The following PTPN22 variants were observed in gnomAD, a reference collection of about 807,000 sequenced individuals.
PTPN22 encodes protein tyrosine phosphatase non-receptor type 22.
PTPN22 carries 85 observed loss-of-function variants against 103.3 expected under a neutral mutation model. That is an observed-to-expected ratio of 0.82 (90% CI 0.69 to 0.99). The LOEUF (loss-of-function observed/expected upper bound fraction) is 0.99. Ranked by LOEUF, PTPN22 falls within the 50% of genes least tolerant of loss-of-function variation. The pLI, the probability that PTPN22 is intolerant of heterozygous loss-of-function variation, is 0.00. For missense variants in PTPN22, 865 were observed against 936.9 expected (o/e 0.92, Z 1.00); for synonymous variants, 323 against 310.2 (o/e 1.04, Z -0.43).
At chr1:113,857,756 C>G (rs773423198) in exon 5 of PTPN22, 2 of 1,611,376 alleles carry the variant, frequency 1.2e-6, no homozygotes, top group African/African-American at 1.3e-5. Context: ...TTTCATACTC[C>G]ATGCATGCCA....
At chr1:113,834,887 T>C (rs370692897) in intron 14 of PTPN22, 23 bp downstream of exon 14, 72 of 1,506,910 alleles carry the variant, frequency 4.8e-5, no homozygotes, top group Non-Finnish European at 6.2e-5. Context: ...CACTTTATTT[T>C]ATACTTACTG....
At chr1:113,813,852 A>G (rs977923642) in exon 21 of PTPN22, 2 of 152,330 alleles carry the variant, frequency 1.3e-5, no homozygotes, top group Non-Finnish European at 2.9e-5. Context: ...TCTGTTGGAT[A>G]CATTGTACTA....
intron 10 of PTPN22, among the ~76,000 whole-genome samples, chr1:113,849,119 T>C (rs1018380412): frequency 2.6e-5 from 4 of 152,262 alleles, no homozygotes; most frequent in Admixed American, 6.5e-5. Flanking sequence ...AAGCTATTTA[T>C]ACCTATTTAC....
intron 19 of PTPN22, among the ~76,000 whole-genome samples, chr1:113,824,106 CTTT>C (rs57935879): frequency 6.8e-6 from 1 of 146,748 alleles, no homozygotes. Context: ...CACCATGGTT[CTTT>C]TTTTTTTTTT....
intron 8 of PTPN22, 46 bp from the exon 9 acceptor site, chr1:113,854,583 A>G: frequency 6.5e-7 from 1 of 1,540,588 alleles, no homozygotes; most frequent in Non-Finnish European, 9.0e-7. Flanking sequence ...ATACCTAGAG[A>G]GAATGGACCA....
chr1:113,825,056 T>C, intron 19 of PTPN22, 86 bp downstream of exon 19: 1 of 999,976 alleles, frequency 1.0e-6, no homozygotes, highest in Non-Finnish European at 1.5e-6. Flanking sequence ...ATAATATTGT[T>C]AATCTTTTCA....
chr1:113,861,777 A>G (rs991182446), intron 1 of PTPN22, among the ~76,000 whole-genome samples: 4 of 152,190 alleles, frequency 2.6e-5, no homozygotes, highest in African/African-American at 9.6e-5. Flanking sequence ...AGAAAAAGTA[A>G]TAAACTACAC....
intron 11 of PTPN22, among the ~76,000 whole-genome samples, chr1:113,841,857 C>T (rs1233667276): frequency 6.6e-6 from 1 of 152,122 alleles, no homozygotes; most frequent in Non-Finnish European, 1.5e-5. Context: ...CCCGCCTCGG[C>T]CTCCCAAAGT....
exon 13 of PTPN22, chr1:113,837,782 A>G (rs142902754): frequency 1.2e-6 from 2 of 1,613,976 alleles, no homozygotes; most frequent in African/African-American, 2.7e-5. Flanking sequence ...CTTGGAGGCC[A>G]TGATGAAAAA....
At chr1:113,851,101 T>C (rs974446244) in intron 10 of PTPN22, among the ~76,000 whole-genome samples, 6 of 151,916 alleles carry the variant, frequency 3.9e-5, no homozygotes, top group Non-Finnish European at 8.8e-5. Flanking sequence ...TGAACAAGTA[T>C]GGGTATTCTG....
chr1:113,824,952 A>G (rs888804650), intron 19 of PTPN22, among the ~76,000 whole-genome samples, 190 bp downstream of exon 19: 4 of 125,432 alleles, frequency 3.2e-5, no homozygotes, highest in African/African-American at 1.2e-4. Context: ...CAATATTAGT[A>G]TTGTGAAGCC....
chr1:113,857,711 G>A, intron 5 of PTPN22, 27 bp downstream of exon 5: 3 of 1,599,662 alleles, frequency 1.9e-6, no homozygotes, highest in Non-Finnish European at 2.6e-6. Context: ...TTGTTTTAAG[G>A]TCAGCAGGTA....
At chr1:113,835,611 G>A (rs1271803923) in intron 13 of PTPN22, among the ~76,000 whole-genome samples, 1 of 151,998 alleles carries the variant, frequency 6.6e-6, no homozygotes, top group Non-Finnish European at 1.5e-5. Context: ...TATTAATTTT[G>A]GAAGCTTTGA....
At chr1:113,815,037 T>C in intron 20 of PTPN22, 68 bp from the exon 21 acceptor site, 1 of 1,121,910 alleles carries the variant, frequency 8.9e-7, no homozygotes, top group East Asian at 2.4e-5. Context: ...ACTTGGATTT[T>C]AGAGTATATT....
Position 113,869,165 on chromosome 1 carries a change from G to A in PTPN22, c.87+2372C>T, listed in dbSNP as rs543810339. ...AGGGAGGTGGAGGCTGCAGTGAGCC[G>A]AGATGGTGTCATTGCATTCCAGCCT... On this transcript the variant is annotated intron_variant, in intron 1 of 20. Transcript: ENST00000359785. 1.6e-3 allele frequency among the ~76,000 whole-genome samples: 239 copies of A among 152,232 alleles called. 1 individual carries two copies. The highest frequency in any genetic ancestry group is 2.6e-3 in the Non-Finnish European group (179 of 68,008).
intron 11 of PTPN22, among the ~76,000 whole-genome samples, chr1:113,846,225 T>C (rs1243568172): frequency 6.6e-6 from 1 of 152,186 alleles, no homozygotes; most frequent in Non-Finnish European, 1.5e-5. Context: ...TTTTTCCTGA[T>C]GCTTTCTCTT....
intron 1 of PTPN22, among the ~76,000 whole-genome samples, chr1:113,860,067 T>C (rs1351204059): frequency 1.3e-5 from 2 of 151,622 alleles, no homozygotes; most frequent in Non-Finnish European, 2.9e-5. Flanking sequence ...GCTCAGGTGA[T>C]TCTTCCACCT....
At chr1:113,853,859 C>CTTTTTTTTTTTTTTTTT (rs894010114) in intron 9 of PTPN22, among the ~76,000 whole-genome samples, 5 of 67,156 alleles carry the variant, frequency 7.4e-5, no homozygotes, top group Non-Finnish European at 1.3e-4. Context: ...TTTTTTTTTG[C>CTTTTTTTTTTTTTTTTT]TTTTTTTTTT....
exon 8 of PTPN22, chr1:113,855,049 C>T: frequency 6.2e-7 from 1 of 1,607,968 alleles, no homozygotes; most frequent in Non-Finnish European, 8.5e-7. Flanking sequence ...GTTCGAGTTT[C>T]CTATAAAAAG....
Sources: allele counts gnomAD v4.1 joint callset (sites outside exome capture counted in the v4.1 genomes callset), GRCh38; gene constraint gnomAD v4.1.1; transcripts MANE v1.5; gene names NCBI Gene and HGNC (gene_info 2026-07-23, HGNC 2026-07-21).